Variants in PID1 observed in about 807,000 individuals in gnomAD.
PID1 encodes the protein PTB-containing, cubilin and LRP1-interacting protein.
PID1 carries 10 observed loss-of-function variants against 19.1 expected under a neutral mutation model. The observed-to-expected ratio is 0.52, with a 90% CI of 0.32 to 0.89. PID1 has a LOEUF of 0.89. Ranked by LOEUF, PID1 falls within the 40% of genes least tolerant of loss-of-function variation. PID1 has a pLI of 0.03. For synonymous variants in PID1, 130 were observed against 116.0 expected, an observed-to-expected ratio of 1.12 and a Z score of -0.78; for missense variants, 248 against 285.3, an observed-to-expected ratio of 0.87 and a Z score of 0.94.
chr2:229,258,616 AATGT>A (rs1405463944), intron 1 of PID1, among the ~76,000 whole-genome samples: 2 of 152,182 alleles, frequency 1.3e-5, no homozygotes, highest in Non-Finnish European at 2.9e-5. Context: ...ATTTGTTTTC[AATGT>A]ATGTATAAAC....
At chr2:229,091,757 C>T (rs1449055560) in intron 2 of PID1, among the ~76,000 whole-genome samples, 3 of 152,166 alleles carry the variant, frequency 2.0e-5, no homozygotes, top group African/African-American at 7.2e-5. Context: ...GAGGCACTCA[C>T]AAAAATTTAT....
chr2:229,176,496 T>C (rs1690827088), intron 1 of PID1, among the ~76,000 whole-genome samples: 1 of 152,238 alleles, frequency 6.6e-6, no homozygotes, highest in Non-Finnish European at 1.5e-5. Context: ...TTGAAAACCC[T>C]AGTCAATGCT....
At chr2:229,140,843 G>A (rs954693211) in intron 2 of PID1, among the ~76,000 whole-genome samples, 1 of 151,870 alleles carries the variant, frequency 6.6e-6, no homozygotes, top group African/African-American at 2.4e-5. Flanking sequence ...CTATTACAGC[G>A]ATTTAGCCTA....
At chr2:229,166,239 T>C (rs749672508) in intron 1 of PID1, among the ~76,000 whole-genome samples, 4 of 152,194 alleles carry the variant, frequency 2.6e-5, no homozygotes, top group Non-Finnish European at 5.9e-5. Flanking sequence ...ATTCCATTTA[T>C]ATAGCATTGT....
chr2:229,033,257 A>G (rs922698207), intron 2 of PID1, among the ~76,000 whole-genome samples: 4 of 152,182 alleles, frequency 2.6e-5, no homozygotes, highest in Non-Finnish European at 5.9e-5. Context: ...GCAAGAACCC[A>G]AGCACCTGCT....
chr2:229,125,524 T>C (rs1347224569), intron 2 of PID1, among the ~76,000 whole-genome samples: 2 of 152,190 alleles, frequency 1.3e-5, no homozygotes, highest in Non-Finnish European at 2.9e-5. Context: ...TCAGACCATG[T>C]TGCAGAATCT....
At chr2:229,058,092 T>C (rs1424661177) in intron 2 of PID1, among the ~76,000 whole-genome samples, 1 of 152,240 alleles carries the variant, frequency 6.6e-6, no homozygotes, top group Non-Finnish European at 1.5e-5. Context: ...ATAATTTTCA[T>C]GGCTTGCAAG....
At chr2:229,106,917 T>C (rs533630819) in intron 2 of PID1, among the ~76,000 whole-genome samples, 33 of 152,190 alleles carry the variant, frequency 2.2e-4, no homozygotes, top group Non-Finnish European at 4.1e-4. Context: ...ATGATTTTAT[T>C]TGGAAACAGG....
chr2:229,171,300 G>A lies in PID1; in HGVS notation c.31-15336C>T, dbSNP rs183432827. On this transcript the variant is annotated intron_variant, in intron 1 of 2. Coordinates refer to ENST00000392055, the MANE Select transcript of PID1 (RefSeq NM_001100818.2). ...TTATTCCAGGGCTTCAAGTGGTCAG[G>A]AAGGTGACATGCCAGAGCTTTGGCA... Among the ~76,000 whole-genome samples, 11 of 152,326 alleles carry A rather than the reference G, an allele frequency of 7.2e-5. No individual in the cohort carries two copies. The East Asian group carries it at 1.9e-3, about 27-fold the overall frequency.
chr2:229,174,639 C>A (rs1028953083), intron 1 of PID1, among the ~76,000 whole-genome samples: 1 of 150,646 alleles, frequency 6.6e-6, no homozygotes, highest in Admixed American at 6.6e-5. Flanking sequence ...ATACTGTGTA[C>A]CTATTTATGC....
chr2:229,104,079 G>C (rs1695125782), intron 2 of PID1, among the ~76,000 whole-genome samples: 1 of 151,974 alleles, frequency 6.6e-6, no homozygotes. Context: ...TTACTTATTT[G>C]TTTATTTTTT....
chr2:229,107,795 A>G (rs992626470), intron 2 of PID1, among the ~76,000 whole-genome samples: 1 of 152,212 alleles, frequency 6.6e-6, no homozygotes, highest in African/African-American at 2.4e-5. Flanking sequence ...GAACGGCAGC[A>G]TTGGCATCCC....
chr2:229,186,014 A>G (rs1263359096), intron 1 of PID1, among the ~76,000 whole-genome samples: 1 of 152,244 alleles, frequency 6.6e-6, no homozygotes, highest in African/African-American at 2.4e-5. Flanking sequence ...AATAGGGTAC[A>G]GGCATTTGAT....
At chr2:229,206,925 G>A (rs943741001) in intron 1 of PID1, among the ~76,000 whole-genome samples, 4 of 152,120 alleles carry the variant, frequency 2.6e-5, no homozygotes, top group Non-Finnish European at 4.4e-5. Context: ...TAGGTCTGGG[G>A]TGACGCTTAA....
At chr2:229,147,936 G>T (rs1377151615) in intron 2 of PID1, among the ~76,000 whole-genome samples, 1 of 152,124 alleles carries the variant, frequency 6.6e-6, no homozygotes, top group Non-Finnish European at 1.5e-5. Flanking sequence ...AGCTTTCAGG[G>T]ATCTCCAGAG....
intron 2 of PID1, among the ~76,000 whole-genome samples, chr2:229,040,798 AT>A (rs759938816): frequency 7.9e-5 from 12 of 152,244 alleles, no homozygotes; most frequent in Non-Finnish European, 1.6e-4. Context: ...TAGTAGGTTT[AT>A]TTATCAAAGT....
intron 2 of PID1, among the ~76,000 whole-genome samples, chr2:229,059,027 T>C (rs559551494): frequency 1.3e-5 from 2 of 152,332 alleles, no homozygotes; most frequent in East Asian, 1.9e-4. Context: ...TTTGAAGTTA[T>C]TTCGAGATTC....
At chr2:229,067,380 C>T (rs142787779) in intron 2 of PID1, among the ~76,000 whole-genome samples, 10 of 152,096 alleles carry the variant, frequency 6.6e-5, no homozygotes, top group Admixed American at 1.3e-4. Context: ...TATGAAAAGC[C>T]GGAAAGGATT....
intron 2 of PID1, among the ~76,000 whole-genome samples, chr2:229,036,784 A>G (rs1693673534): frequency 6.6e-6 from 1 of 152,086 alleles, no homozygotes; most frequent in African/African-American, 2.4e-5. Context: ...AAAACCCGAA[A>G]ATGGATCTAG....
Sources: gnomAD v4.1 joint callset for allele counts (sites outside exome capture counted in the v4.1 genomes callset) on GRCh38, gnomAD v4.1.1 for gene constraint, MANE v1.5 for transcripts, NCBI Gene and HGNC (gene_info 2026-07-23, HGNC 2026-07-21) for gene names.